VGLL1: variants seen among roughly 807,000 people sequenced by gnomAD.
VGLL1 encodes the protein transcription cofactor vestigial-like protein 1.
A neutral mutation model predicts 12.0 loss-of-function variants in VGLL1; 4 were observed. The ratio of observed to expected loss-of-function variants is 0.33; its 90% CI spans 0.16 to 0.76. VGLL1 has a LOEUF of 0.76. Ranked by LOEUF, VGLL1 falls within the 30% of genes least tolerant of loss-of-function variation. The pLI is 0.60. For synonymous variants in VGLL1, 87 were observed against 81.2 expected, an observed-to-expected ratio of 1.07 and a Z score of -0.39; for missense variants, 204 against 208.7, an observed-to-expected ratio of 0.98 and a Z score of 0.14.
Position 136,548,623 on chromosome X carries a change from G to A in VGLL1, c.249G>A (p.Ser83=), listed in dbSNP as rs768816085. ...TGTCTCCAAATCAGTGGCGTTACTCGTCTCCATGGACAAAGCCACAACCAG... is the reference window on the plus strand; with the variant it reads ...TGTCTCCAAATCAGTGGCGTTACTCATCTCCATGGACAAAGCCACAACCAG... ...DSMSPNQWRY[S]SPWTKPQPEV... Residue 83 remains serine, a synonymous_variant, in exon 3 of 5, where the codon TCG becomes TCA. Coordinates refer to ENST00000370634, the MANE Select transcript of VGLL1 (RefSeq NM_016267.4). The A allele has an allele frequency of 3.0e-5, 36 of 1,209,539 alleles. No homozygotes were observed. Among genetic ancestry groups the A allele is most frequent in the Admixed American group, 4.4e-5 (2 of 45,788 alleles).
intron 2 of VGLL1, among the ~76,000 whole-genome samples, chrX:136,540,520 T>G (rs1213536837): frequency 2.7e-5 from 3 of 111,367 alleles, no homozygotes; most frequent in African/African-American, 9.8e-5. Context: ...AGCAACCTAT[T>G]TAAAAAATGA....
At chrX:136,543,760 C>A (rs2075862552) in intron 2 of VGLL1, among the ~76,000 whole-genome samples, 1 of 92,905 alleles carries the variant, frequency 1.1e-5, no homozygotes, top group Non-Finnish European at 2.1e-5. Context: ...GAGACCCTGT[C>A]AAAAAAAAAA....
chrX:136,543,975 C>T (rs1026298294), intron 2 of VGLL1, among the ~76,000 whole-genome samples: 1 of 111,844 alleles, frequency 8.9e-6, no homozygotes, highest in African/African-American at 3.3e-5. Flanking sequence ...ATAAAATATA[C>T]TCCTTTTTGG....
At chrX:136,535,445 G>A (rs919765907) in intron 1 of VGLL1, among the ~76,000 whole-genome samples, 11 of 111,993 alleles carry the variant, frequency 9.8e-5, no homozygotes, top group African/African-American at 2.9e-4. Context: ...GCGGGTAGGT[G>A]TAGGACACAG....
intron 1 of VGLL1, 23 bp from the exon 2 acceptor site, chrX:136,535,973 G>A: frequency 8.7e-7 from 1 of 1,155,848 alleles, no homozygotes. Flanking sequence ...TAGTGCCAGT[G>A]ACATTTTGCC....
rs190026765 is a variant in VGLL1 at position 136,538,556 on chromosome X, T to C, written c.214+2322T>C. On this transcript the variant is annotated intron_variant, in intron 2 of 4. Transcript: ENST00000370634. ...CTGGTGGATTTCAAGAGCTCTTTAT[T>C]GGTGTTGGTGAGTGCACATGTTGAA... 1.1e-4 allele frequency among the ~76,000 whole-genome samples: 12 copies of C among 111,981 alleles called. No individual in the cohort carries two copies. In the Admixed American group the frequency reaches 1.1e-3, roughly 11 times the overall value.
rs1017670187 is a variant in VGLL1, at chrX:136,533,707, A to T, written c.-26+1411A>T. ...GCCTGCGTTATCTGAAGGAAACCAGATGGCTGGTTTAGGGTTCTGGCTTGA... is the reference window on the plus strand; with the variant it reads ...GCCTGCGTTATCTGAAGGAAACCAGTTGGCTGGTTTAGGGTTCTGGCTTGA... On this transcript the variant is annotated intron_variant, in intron 1 of 4. Transcript: ENST00000370634. 3.6e-5 allele frequency among the ~76,000 whole-genome samples: 4 copies of T among 112,085 alleles called. No homozygotes were observed. The East Asian group carries it at 1.1e-3, about 31-fold the overall frequency.
At chrX:136,550,405 T>A in intron 3 of VGLL1, 1 of 149,411 alleles carries the variant, frequency 6.7e-6, no homozygotes, top group Non-Finnish European at 1.3e-5. Context: ...GCAAGGCACA[T>A]CATGGTGAAA....
intron 4 of VGLL1, among the ~76,000 whole-genome samples, chrX:136,553,810 A>G (rs747013926): frequency 8.9e-6 from 1 of 111,855 alleles, no homozygotes; most frequent in South Asian, 3.8e-4. Context: ...TCATGCATCT[A>G]TGAAGCAGGG....
intron 1 of VGLL1, among the ~76,000 whole-genome samples, chrX:136,532,749 T>C (rs187610943): frequency 9.4e-6 from 1 of 106,613 alleles, no homozygotes; most frequent in Non-Finnish European, 1.9e-5. Flanking sequence ...AGGGAGCACT[T>C]TCTGTCTTTG....
chrX:136,551,075 C>T, intron 4 of VGLL1: 1 of 301,006 alleles, frequency 3.3e-6, no homozygotes, highest in Non-Finnish European at 5.8e-6. Context: ...TCCTTAGTTT[C>T]TTTTTTCTTT....
At position 136,550,828 on chromosome X, in the gene VGLL1, A is replaced by G. The variant is rs750491510; in HGVS notation, c.688+7A>G. The G allele has an allele frequency of 1.0e-4, 122 of 1,201,865 alleles. No individual in the cohort carries two copies. Among genetic ancestry groups the G allele is most frequent in the Non-Finnish European group, 1.4e-4 (120 of 888,601 alleles). On this transcript the variant is annotated splice_region_variant and intron_variant, in intron 4 of 4. Coordinates refer to ENST00000370634, the MANE Select transcript of VGLL1 (RefSeq NM_016267.4). ...ACCAGCCTTCCAAATGAAAGTAGGT[A>G]TCTGGGCCAGCCTTTGATGGTGTGT...
intron 2 of VGLL1, among the ~76,000 whole-genome samples, chrX:136,541,326 T>G (rs1448736483): frequency 8.9e-6 from 1 of 112,351 alleles, no homozygotes; most frequent in Non-Finnish European, 1.9e-5. Flanking sequence ...GCATTTTCCC[T>G]ATAAGAACCC....
intron 4 of VGLL1, among the ~76,000 whole-genome samples, chrX:136,555,093 T>C (rs1371220937): frequency 8.9e-6 from 1 of 111,908 alleles, no homozygotes; most frequent in Non-Finnish European, 1.9e-5. Flanking sequence ...TGAAAAGGTG[T>C]AGCCAGTGTG....
chrX:136,541,722 G>A (rs1308280072), intron 2 of VGLL1, among the ~76,000 whole-genome samples: 6 of 111,860 alleles, frequency 5.4e-5, no homozygotes, highest in Non-Finnish European at 7.5e-5. Flanking sequence ...TGGCCGACTC[G>A]CCCACATTCT....
intron 2 of VGLL1, among the ~76,000 whole-genome samples, chrX:136,541,405 T>C (rs1346320723): frequency 1.8e-5 from 2 of 111,941 alleles, no homozygotes; most frequent in Admixed American, 9.5e-5. Context: ...CAAATATTTG[T>C]CCGCTGATTG....
At chrX:136,549,046 T>A in intron 3 of VGLL1, 38 bp downstream of exon 3, 1 of 1,165,823 alleles carries the variant, frequency 8.6e-7, no homozygotes, top group African/African-American at 1.8e-5. Context: ...GGGGTGCCTC[T>A]GATTGGTTGT....
intron 3 of VGLL1, among the ~76,000 whole-genome samples, chrX:136,549,755 G>A (rs997916376): frequency 3.6e-5 from 4 of 111,571 alleles, no homozygotes; most frequent in African/African-American, 9.8e-5. Context: ...GTAAAAGGAC[G>A]GGGAAGAATT....
intron 4 of VGLL1, among the ~76,000 whole-genome samples, chrX:136,552,800 A>T (rs969751094): frequency 8.9e-6 from 1 of 111,972 alleles, no homozygotes; most frequent in African/African-American, 3.2e-5. Flanking sequence ...AAATTATCAG[A>T]AACAATTCCA....
Sources: gnomAD v4.1 joint callset for allele counts (sites outside exome capture counted in the v4.1 genomes callset) on GRCh38, gnomAD v4.1.1 for gene constraint, MANE v1.5 for transcripts, NCBI Gene and HGNC (gene_info 2026-07-23, HGNC 2026-07-21) for gene names.